The following ST7 variants were observed in gnomAD, a reference collection of about 807,000 sequenced individuals.
ST7 encodes the protein suppression of tumorigenicity 7.
Under a neutral mutation model 78.7 loss-of-function variants are expected in ST7, and 28 were observed. The ratio of observed to expected loss-of-function variants is 0.36; its 90% CI spans 0.26 to 0.49. ST7 has a LOEUF of 0.49. Among genes scored for constraint, ST7 ranks in the 20% least tolerant of loss-of-function variants. The pLI, the probability that ST7 is intolerant of heterozygous loss-of-function variation, is 0.99. For synonymous variants in ST7, 247 were observed against 249.6 expected (o/e 0.99, Z 0.10); for missense variants, 418 against 696.0 (o/e 0.60, Z 4.49).
At chr7:117,019,673 T>C (rs1795782207) in intron 1 of ST7, among the ~76,000 whole-genome samples, 1 of 152,234 alleles carries the variant, frequency 6.6e-6, no homozygotes, top group Admixed American at 6.5e-5. Flanking sequence ...GAGTACTCAC[T>C]GTGTGCCAAG....
intron 2 of ST7, among the ~76,000 whole-genome samples, chr7:117,102,823 T>C (rs1215303766): frequency 6.6e-6 from 1 of 152,090 alleles, no homozygotes; most frequent in African/African-American, 2.4e-5. Context: ...TGATCTTATA[T>C]TTAGAAAAAC....
chr7:117,052,428 T>A (rs1258055757), intron 1 of ST7, among the ~76,000 whole-genome samples: 1 of 152,230 alleles, frequency 6.6e-6, no homozygotes. Context: ...AGTCTGACAC[T>A]GGTAGTTACT....
chr7:117,224,733 A>G (rs1222922012), intron 15 of ST7, among the ~76,000 whole-genome samples: 1 of 152,032 alleles, frequency 6.6e-6, no homozygotes, highest in Non-Finnish European at 1.5e-5. Flanking sequence ...TATTAGCAGG[A>G]GGTATCTGTA....
chr7:117,181,603 A>C (rs1222494603), intron 10 of ST7, among the ~76,000 whole-genome samples: 1 of 152,182 alleles, frequency 6.6e-6, no homozygotes, highest in Non-Finnish European at 1.5e-5. Context: ...GCTGAGGTAT[A>C]ATTATTCATT....
intron 1 of ST7, among the ~76,000 whole-genome samples, chr7:116,970,382 A>C (rs1411689370): frequency 6.6e-6 from 1 of 152,224 alleles, no homozygotes; most frequent in Non-Finnish European, 1.5e-5. Flanking sequence ...CATAGGGCTC[A>C]GTGGCTTCAA....
chr7:117,010,476 A>G (rs1374466483), intron 1 of ST7, among the ~76,000 whole-genome samples: 1 of 152,198 alleles, frequency 6.6e-6, no homozygotes, highest in Non-Finnish European at 1.5e-5. Context: ...CAAAACATGA[A>G]AAGGAAATGC....
chr7:117,059,743 G>A (rs1202230727), intron 1 of ST7, among the ~76,000 whole-genome samples: 1 of 148,432 alleles, frequency 6.7e-6, no homozygotes, highest in African/African-American at 2.5e-5. Flanking sequence ...GGCCAAAGTG[G>A]GAGAATCACT....
intron 12 of ST7, among the ~76,000 whole-genome samples, chr7:117,202,107 C>T (rs1173775231): frequency 3.7e-5 from 3 of 80,208 alleles, no homozygotes; most frequent in African/African-American, 7.7e-5. Context: ...ACTACAGGCG[C>T]CCGCCACTAA....
At chr7:117,222,740 A>G (rs1417744219) in intron 15 of ST7, 12 of 807,870 alleles carry the variant, frequency 1.5e-5, no homozygotes, top group Non-Finnish European at 2.5e-5. Context: ...ATGAGTTTCA[A>G]ACAGAAGGAA....
chr7:116,958,688 G>A (rs1324508219), intron 1 of ST7: 1 of 471,078 alleles, frequency 2.1e-6, no homozygotes, highest in Non-Finnish European at 4.4e-6. Context: ...GCAATAAAGT[G>A]AGTCCCATGA....
chr7:117,131,462 T>C (rs867555147), intron 5 of ST7, among the ~76,000 whole-genome samples: 1 of 151,864 alleles, frequency 6.6e-6, no homozygotes, highest in Non-Finnish European at 1.5e-5. Context: ...CTTGAAATGG[T>C]TTCAGAATGT....
At chr7:116,984,463 G>T (rs1170865958) in intron 1 of ST7, among the ~76,000 whole-genome samples, 1 of 152,076 alleles carries the variant, frequency 6.6e-6, no homozygotes, top group Non-Finnish European at 1.5e-5. Flanking sequence ...GGTCGGTTAC[G>T]TGTGCCCTAA....
At chr7:117,123,314 C>T (rs1219452448) in intron 3 of ST7, among the ~76,000 whole-genome samples, 3 of 151,992 alleles carry the variant, frequency 2.0e-5, no homozygotes, top group South Asian at 2.1e-4. Flanking sequence ...TACCTAAGAA[C>T]GACTTGGGAT....
intron 1 of ST7, among the ~76,000 whole-genome samples, chr7:117,054,094 TC>T (rs1379603591): frequency 6.6e-6 from 1 of 152,034 alleles, no homozygotes; most frequent in African/African-American, 2.4e-5. Flanking sequence ...CACCTCAGCC[TC>T]CCAAAGTGCT....
At chr7:117,221,248 G>GT (rs1379906093) in intron 14 of ST7, among the ~76,000 whole-genome samples, 6 of 152,054 alleles carry the variant, frequency 3.9e-5, no homozygotes, top group Non-Finnish European at 5.9e-5. Flanking sequence ...AGCTTTTCTT[G>GT]TTTTTTTGAT....
intron 2 of ST7, among the ~76,000 whole-genome samples, chr7:117,118,191 C>G (rs1803050981): frequency 6.6e-6 from 1 of 152,210 alleles, no homozygotes; most frequent in Non-Finnish European, 1.5e-5. Context: ...AAAGGAAGTG[C>G]TCATAGGAGC....
At chr7:117,095,560 C>T (rs766213950) in intron 1 of ST7, among the ~76,000 whole-genome samples, 1 of 152,196 alleles carries the variant, frequency 6.6e-6, no homozygotes, top group Non-Finnish European at 1.5e-5. Context: ...TTCCCTGAGG[C>T]TGCCTTTCAA....
intron 9 of ST7, among the ~76,000 whole-genome samples, chr7:117,149,592 CT>C (rs59067333): frequency 0.079 from 6,622 of 83,876 alleles, 113 homozygotes; most frequent in African/African-American, 0.11. Flanking sequence ...CGTGTCCTAC[CT>C]TTTTTTTTTT....
At chr7:117,225,905 T>G (rs977368331) in intron 15 of ST7, among the ~76,000 whole-genome samples, 3 of 152,176 alleles carry the variant, frequency 2.0e-5, no homozygotes, top group African/African-American at 7.2e-5. Flanking sequence ...CCTCAGTGAT[T>G]TAGGACTAAC....
Sources: gnomAD v4.1 joint callset for allele counts (sites outside exome capture counted in the v4.1 genomes callset) on GRCh38, gnomAD v4.1.1 for gene constraint, MANE v1.5 for transcripts, NCBI Gene and HGNC (gene_info 2026-07-23, HGNC 2026-07-21) for gene names.